WDFY3: variants seen among roughly 807,000 people sequenced by gnomAD.
WDFY3 encodes WD repeat and FYVE domain-containing protein 3.
WDFY3 carries 66 observed loss-of-function variants against 409.6 expected under a neutral mutation model. The observed-to-expected ratio is 0.16, with a 90% CI of 0.13 to 0.20. WDFY3 has a LOEUF of 0.20. Ranked by LOEUF, WDFY3 falls within the 10% of genes least tolerant of loss-of-function variation. The pLI is 1.00. For missense variants in WDFY3, 3,031 were observed against 4,298.1 expected, an observed-to-expected ratio of 0.71 and a Z score of 8.24; for synonymous variants, 1,521 against 1,537.1, an observed-to-expected ratio of 0.99 and a Z score of 0.25.
At chr4:84,768,790 T>C (rs945546522) in intron 30 of WDFY3, among the ~76,000 whole-genome samples, 7 of 152,222 alleles carry the variant, frequency 4.6e-5, no homozygotes, top group African/African-American at 1.7e-4. Context: ...TTCAAAGTTT[T>C]ATTATTTAAG....
At chr4:84,742,621 T>A (rs1738642644) in intron 37 of WDFY3, among the ~76,000 whole-genome samples, 1 of 152,194 alleles carries the variant, frequency 6.6e-6, no homozygotes, top group South Asian at 2.1e-4. Flanking sequence ...CATTACCACC[T>A]GAGCTCCTTC....
intron 1 of WDFY3, among the ~76,000 whole-genome samples, chr4:84,956,152 C>A (rs774692024): frequency 3.9e-5 from 6 of 152,150 alleles, no homozygotes; most frequent in Non-Finnish European, 5.9e-5. Flanking sequence ...GAAGAAACAT[C>A]ATACAGGAAG....
intron 4 of WDFY3, among the ~76,000 whole-genome samples, chr4:84,853,237 C>T (rs1759277208): frequency 6.6e-6 from 1 of 152,186 alleles, no homozygotes; most frequent in Non-Finnish European, 1.5e-5. Flanking sequence ...ATGGCACAAT[C>T]TCGGCTCACT....
At chr4:84,889,366 G>A (rs1209774232) in intron 3 of WDFY3, among the ~76,000 whole-genome samples, 1 of 151,998 alleles carries the variant, frequency 6.6e-6, no homozygotes, top group Non-Finnish European at 1.5e-5. Flanking sequence ...ATTAAACTAC[G>A]AATCGTTATG....
Position 84,829,173 on chromosome 4 carries a change from T to A in WDFY3, c.787A>T (p.Thr263Ser), listed in dbSNP as rs1755297514. The A allele has an allele frequency of 3.1e-6, 5 of 1,590,548 alleles. No homozygotes were observed. The highest frequency in any genetic ancestry group is 4.3e-6 in the Non-Finnish European group (5 of 1,166,838). ...KYIHEKECLS[T>S]CVQNMQQSDD... ...GATTGCTGCATATTCTGAACACATG[T>A]AGATAAACACTCTTTCTCTGTAAGA... Residue 263 changes from threonine to serine, a missense_variant, in exon 9 of 68, where the codon ACA becomes TCA. Coordinates refer to ENST00000295888, the MANE Select transcript of WDFY3 (RefSeq NM_014991.6).
chr4:84,955,936 G>A lies in WDFY3; in HGVS notation c.-226+10273C>T, dbSNP rs554345542. ...GTGTGGATGTTTTACTCAGAGCAAG[G>A]CAATAAAACTACAAGTTAATGTGCA... On this transcript the variant is annotated intron_variant, in intron 1 of 67. Transcript: ENST00000295888. Among the ~76,000 whole-genome samples, 5 of 151,976 alleles carry A rather than the reference G, an allele frequency of 3.3e-5. 1 individual carries two copies. In the South Asian group the frequency reaches 1.0e-3, roughly 32 times the overall value.
At chr4:84,698,870 T>C (rs1250591533) in intron 56 of WDFY3, among the ~76,000 whole-genome samples, 2 of 152,040 alleles carry the variant, frequency 1.3e-5, no homozygotes, top group Non-Finnish European at 2.9e-5. Flanking sequence ...GTATTTTTAG[T>C]GGAGATGAGT....
intron 58 of WDFY3, among the ~76,000 whole-genome samples, chr4:84,695,509 TAGAGAGAGAGAGAGAGAGAG>T (rs869147060): frequency 2.8e-5 from 3 of 107,358 alleles, no homozygotes; most frequent in South Asian, 3.5e-4. Context: ...CAGAGAGAGA[TAGAGAGAGAGAGAGAGAGAG>T]AGAGAGAGAG....
chr4:84,718,434 G>C lies in WDFY3; in HGVS notation c.7742C>G (p.Thr2581Ser). Residue 2581 changes from threonine to serine, a missense_variant, in exon 48 of 68, where the codon ACC becomes AGC. Thr to Ser is a moderately conservative substitution (Grantham distance 58). Transcript: ENST00000295888. ...TTCATTTACTTACTTTGGAGGTAAG[G>C]TTTCAATATCTCTTATTTCCCTGGT... ...TATREIRDIETLPPNMHEPII... is the reference protein window; with the variant it reads ...TATREIRDIESLPPNMHEPII... The C allele has an allele frequency of 6.2e-7, 1 of 1,613,462 alleles. No homozygotes were observed. Among genetic ancestry groups the C allele is most frequent in the Non-Finnish European group, 8.5e-7 (1 of 1,179,708 alleles).
chr4:84,757,322 T>A (rs1023905833), intron 32 of WDFY3, among the ~76,000 whole-genome samples, 161 bp from the exon 33 acceptor site: 3 of 152,218 alleles, frequency 2.0e-5, no homozygotes, highest in Non-Finnish European at 4.4e-5. Context: ...AATCTTCAGT[T>A]AAAAGTTTTA....
intron 64 of WDFY3, among the ~76,000 whole-genome samples, chr4:84,680,603 C>G (rs1224971915): frequency 6.6e-6 from 1 of 152,196 alleles, no homozygotes; most frequent in Non-Finnish European, 1.5e-5. Context: ...AACAAGTATA[C>G]CTGGCCCTCC....
At chr4:84,946,556 G>A (rs1020138448) in intron 1 of WDFY3, among the ~76,000 whole-genome samples, 2 of 152,106 alleles carry the variant, frequency 1.3e-5, no homozygotes, top group African/African-American at 2.4e-5. Context: ...CAATACATGG[G>A]ATAGCAGGGT....
chr4:84,769,658 G>A (rs541327548), intron 30 of WDFY3, among the ~76,000 whole-genome samples: 6 of 151,978 alleles, frequency 3.9e-5, no homozygotes, highest in South Asian at 2.1e-4. Context: ...TCCTGACCTC[G>A]TGATCCACCC....
intron 49 of WDFY3, among the ~76,000 whole-genome samples, chr4:84,716,399 A>G (rs1366721933): frequency 6.8e-6 from 1 of 147,938 alleles, no homozygotes; most frequent in East Asian, 2.0e-4. Context: ...AGATCGTGCC[A>G]CTGCACTCTA....
Position 84,841,159 on chromosome 4 carries a change from C to T in WDFY3, c.409G>A (p.Gly137Ser). Residue 137 changes from glycine to serine, a missense_variant, in exon 6 of 68, where the codon GGT becomes AGT. By Grantham distance (56) the Gly-to-Ser change is moderately conservative. This residue lies in a region of WDFY3 where 1,322 missense variants were observed against 1,697.9 expected (regional missense o/e 0.78). Transcript: ENST00000295888. ...LTTINLLASS[G>S]QKTVDCMTTM... ...CATGAAAACTAAGAACTTACCTGAC[C>T]AGAGGAAGCTAACAAATTAATTGTC... The T allele has an allele frequency of 6.2e-7, 1 of 1,606,890 alleles. No individual in the cohort carries two copies. The highest frequency in any genetic ancestry group is 8.5e-7 in the Non-Finnish European group (1 of 1,178,522).
chr4:84,922,668 G>A (rs1268254985), intron 2 of WDFY3, among the ~76,000 whole-genome samples: 1 of 151,560 alleles, frequency 6.6e-6, no homozygotes, highest in Non-Finnish European at 1.5e-5. Flanking sequence ...TGTTTTTGCT[G>A]CTGTTTTTTG....
Position 84,702,350 on chromosome 4 carries a change from T to C in WDFY3, c.8596+3A>G. ...CCTAAGACAGTGCCATAGCTCTACG[T>C]ACCTAGATCAAAGTTGTTGGAATTG... On this transcript the variant is annotated splice_donor_region_variant and intron_variant, in intron 56 of 67. Coordinates refer to ENST00000295888, the MANE Select transcript of WDFY3 (RefSeq NM_014991.6). The C allele has an allele frequency of 6.2e-7, 1 of 1,604,008 alleles. No homozygotes were observed. The highest frequency in any genetic ancestry group is 8.5e-7 in the Non-Finnish European group (1 of 1,175,672).
intron 36 of WDFY3, among the ~76,000 whole-genome samples, chr4:84,746,657 A>C (rs1052060743): frequency 6.6e-5 from 10 of 151,708 alleles, no homozygotes; most frequent in African/African-American, 2.4e-4. Context: ...GATGTATAGC[A>C]GTCTAACTTT....
chr4:84,672,896 C>A lies in WDFY3; in HGVS notation c.10553G>T (p.Gly3518Val), dbSNP rs780335120. ...ACAATTTCGAGGCCCATCTTCTGAA[C>A]CTCTCTCATGCTGTAAGTTATAATA... ...NCYYNLQHER[G>V]SEDGPRNC Residue 3518 changes from glycine to valine, a missense_variant, in exon 68 of 68, where the codon GGT (glycine) becomes GTT (valine). By Grantham distance (109) the Gly-to-Val change is moderately radical. Around this residue, in one of 16 missense-constraint regions of WDFY3, gnomAD observed 378 missense variants for 477.3 expected, o/e 0.79. Coordinates refer to ENST00000295888, the MANE Select transcript of WDFY3 (RefSeq NM_014991.6). The A allele has an allele frequency of 1.2e-6, 2 of 1,614,114 alleles. No homozygotes were observed. The highest frequency in any genetic ancestry group is 2.7e-5 in the African/African-American group (2 of 75,026).
Sources: allele counts gnomAD v4.1 joint callset (sites outside exome capture counted in the v4.1 genomes callset), GRCh38; gene constraint gnomAD v4.1.1; regional missense constraint gnomAD v4.1.1; transcripts MANE v1.5; gene names NCBI Gene and HGNC (gene_info 2026-07-23, HGNC 2026-07-21).